PLCE1: variants seen among roughly 807,000 people sequenced by gnomAD.
PLCE1 encodes phospholipase C epsilon 1.
Under a neutral mutation model 242.8 loss-of-function variants are expected in PLCE1, and 119 were observed. That is an observed-to-expected ratio of 0.49 (90% confidence interval 0.42 to 0.57). The LOEUF is 0.57. PLCE1 is among the 20% of genes least tolerant of loss of function. The pLI is 0.00. For missense variants in PLCE1, 2,441 were observed against 2,788.8 expected (o/e 0.88, Z 2.81); for synonymous variants, 945 against 1,017.4 (o/e 0.93, Z 1.35).
chr10:94,149,477 T>C (rs2047210005), intron 3 of PLCE1, among the ~76,000 whole-genome samples: 1 of 152,212 alleles, frequency 6.6e-6, no homozygotes, highest in Admixed American at 6.5e-5. Context: ...TGTCATAAAC[T>C]GTTCTAAGTG....
At chr10:94,325,998 C>T (rs368996860) in intron 32 of PLCE1, among the ~76,000 whole-genome samples, 6 of 152,152 alleles carry the variant, frequency 3.9e-5, no homozygotes, top group Non-Finnish European at 7.3e-5. Context: ...TTGATAGTCA[C>T]ACAAATTTCA....
chr10:94,310,287 A>C (rs970546764), intron 27 of PLCE1, among the ~76,000 whole-genome samples: 2 of 151,852 alleles, frequency 1.3e-5, no homozygotes, highest in African/African-American at 4.8e-5. Context: ...TGCCCTCACC[A>C]CTATCAGTTT....
chr10:94,176,378 C>T (rs999346439), intron 4 of PLCE1, among the ~76,000 whole-genome samples: 1 of 152,142 alleles, frequency 6.6e-6, no homozygotes, highest in Admixed American at 6.5e-5. Flanking sequence ...TCAGCCTGAG[C>T]AACAGAGTAA....
At chr10:94,046,481 A>T (rs2061886429) in intron 2 of PLCE1, among the ~76,000 whole-genome samples, 1 of 152,212 alleles carries the variant, frequency 6.6e-6, no homozygotes, top group Non-Finnish European at 1.5e-5. Context: ...CATCAGGTCC[A>T]ACCCTTCATT....
intron 4 of PLCE1, among the ~76,000 whole-genome samples, chr10:94,176,338 T>C (rs960680031): frequency 6.6e-6 from 1 of 152,194 alleles, no homozygotes; most frequent in African/African-American, 2.4e-5. Context: ...AGGTCGAGGC[T>C]GCAGTGAGCC....
At chr10:94,209,603 A>G (rs1015339302) in intron 4 of PLCE1, among the ~76,000 whole-genome samples, 4 of 152,232 alleles carry the variant, frequency 2.6e-5, no homozygotes, top group African/African-American at 9.6e-5. Flanking sequence ...GAGGCTGGTT[A>G]TAATGTAGGT....
At chr10:94,312,946 C>T (rs1042052699) in intron 27 of PLCE1, among the ~76,000 whole-genome samples, 1 of 149,870 alleles carries the variant, frequency 6.7e-6, no homozygotes, top group Non-Finnish European at 1.5e-5. Flanking sequence ...AGATGGAACT[C>T]AATAGATACT....
At chr10:94,239,560 GA>G (rs1264174927) in intron 7 of PLCE1, among the ~76,000 whole-genome samples, 2 of 152,126 alleles carry the variant, frequency 1.3e-5, no homozygotes, top group Non-Finnish European at 2.9e-5. Flanking sequence ...ATAACAGTGT[GA>G]AAATGGACTA....
intron 3 of PLCE1, among the ~76,000 whole-genome samples, chr10:94,163,903 A>G (rs1252588258): frequency 2.0e-5 from 3 of 152,026 alleles, no homozygotes; most frequent in African/African-American, 7.3e-5. Context: ...TTTCTCCTTC[A>G]CTTATGAAGC....
chr10:94,191,269 T>C (rs2048656650), intron 4 of PLCE1, among the ~76,000 whole-genome samples: 1 of 152,076 alleles, frequency 6.6e-6, no homozygotes, highest in African/African-American at 2.4e-5. Flanking sequence ...GAATTGACAT[T>C]TGCAGGAGAA....
At chr10:94,024,641 T>TA (rs746390803) in intron 1 of PLCE1, among the ~76,000 whole-genome samples, 1 of 152,152 alleles carries the variant, frequency 6.6e-6, no homozygotes, top group Non-Finnish European at 1.5e-5. Flanking sequence ...AATAGGCAGT[T>TA]AACTGATAAA....
chr10:94,281,669 A>C (rs1422098181), intron 20 of PLCE1, among the ~76,000 whole-genome samples: 1 of 152,098 alleles, frequency 6.6e-6, no homozygotes, highest in African/African-American at 2.4e-5. Context: ...AGTTCTGCGA[A>C]GTGTTTGGTG....
chr10:94,076,429 A>C lies in PLCE1; in HGVS notation c.1206+44177A>C, dbSNP rs2044503817. On this transcript the variant is annotated intron_variant, in intron 2 of 32. Transcript: ENST00000371380. ...TGAGATGTTGCTTTGTTGCAGTACA[A>C]GTTCAGAGGACAAAGGTCTTCCAGG... 2.0e-5 allele frequency among the ~76,000 whole-genome samples: 3 copies of C among 152,114 alleles called. No homozygotes were observed. The South Asian group carries it at 6.2e-4, about 32-fold the overall frequency.
intron 2 of PLCE1, among the ~76,000 whole-genome samples, chr10:94,127,941 C>T (rs867046349): frequency 2.0e-5 from 3 of 151,484 alleles, no homozygotes; most frequent in Non-Finnish European, 4.4e-5. Flanking sequence ...TTCCATGATT[C>T]CTTCTTTTTC....
chr10:94,287,190 C>A (rs576025021), intron 22 of PLCE1: 1 of 149,430 alleles, frequency 6.7e-6, no homozygotes, highest in East Asian at 2.0e-4. Flanking sequence ...GCATACATTT[C>A]TTCATAGGTA....
At chr10:94,316,435 CTAGAG>C (rs1040388048) in intron 28 of PLCE1, 107 bp from the exon 29 acceptor site, 48 of 718,726 alleles carry the variant, frequency 6.7e-5, no homozygotes, top group Middle Eastern at 3.7e-4. Flanking sequence ...ATGCAATACT[CTAGAG>C]TAAATTTCAC....
Position 94,171,238 on chromosome 10 carries a change from G to A in PLCE1, c.1551G>A (p.Gly517=), listed in dbSNP as rs1483735757. The change falls in exon 4 of 33, where the codon GGG becomes GGA. Residue 517 remains glycine, a synonymous_variant. Transcript: ENST00000371380. ...NSNALPSSSA[G]ISKELIDLQP... ...ATGCCCTCCCTTCAAGTTCAGCTGG[G>A]ATCAGCAAGGAGCTGATCGATCTGC... 6.2e-7 allele frequency: 1 copy of A among 1,614,084 alleles called. No individual in the cohort carries two copies. Among genetic ancestry groups the A allele is most frequent in the Non-Finnish European group, 8.5e-7 (1 of 1,180,034 alleles).
intron 4 of PLCE1, among the ~76,000 whole-genome samples, chr10:94,216,482 T>G (rs932204467): frequency 1.3e-5 from 2 of 152,162 alleles, no homozygotes; most frequent in East Asian, 1.9e-4. Flanking sequence ...TGAAGTTCCC[T>G]GACTTAGCTG....
At chr10:94,321,646 AC>A (rs949518224) in intron 29 of PLCE1, among the ~76,000 whole-genome samples, 1 of 148,964 alleles carries the variant, frequency 6.7e-6, no homozygotes, top group Non-Finnish European at 1.5e-5. Flanking sequence ...AAAAAAAAAA[AC>A]CCACAGCTAA....
Sources: gnomAD v4.1 joint callset for allele counts (sites outside exome capture counted in the v4.1 genomes callset) on GRCh38, gnomAD v4.1.1 for gene constraint, MANE v1.5 for transcripts, NCBI Gene and HGNC (gene_info 2026-07-23, HGNC 2026-07-21) for gene names.